Variants in ERAP1 observed in about 807,000 individuals in gnomAD.
The protein encoded by ERAP1 is adipocyte-derived leucine aminopeptidase.
Under a neutral mutation model 103.7 loss-of-function variants are expected in ERAP1, and 86 were observed. The observed-to-expected ratio is 0.83, with a 90% CI of 0.70 to 0.99. The LOEUF (loss-of-function observed/expected upper bound fraction) is 0.99, where lower values mean the gene tolerates loss of function less well. ERAP1 is among the 50% of genes least tolerant of loss of function. ERAP1 has a pLI of 0.00. For missense variants in ERAP1, 1,009 were observed against 1,128.4 expected (o/e 0.89, Z 1.52); for synonymous variants, 398 against 402.4 (o/e 0.99, Z 0.13).
chr5:96,781,696 T>C lies in ERAP1; in HGVS notation c.2444A>G (p.Gln815Arg). 1 of 1,614,168 alleles carries C rather than the reference T, an allele frequency of 6.2e-7. No homozygotes were observed. The highest frequency in any genetic ancestry group is 8.5e-7 in the Non-Finnish European group (1 of 1,180,022). ...LCRTQNKEKL[Q>R]WLLDESFKGD... is the part of the protein sequence containing the mutation. The stretch of plus-strand genomic sequence containing the variant: ...CATGAATGAATGACGGACTCACCAT[T>C]GAAGCTTTTCCTTATTTTGGGTTCT... The change falls in exon 16 of 19, where the codon CAA (glutamine) becomes CGA (arginine). Residue 815 changes from glutamine to arginine, a missense_variant. Coordinates refer to ENST00000443439, the MANE Select transcript of ERAP1 (RefSeq NM_001040458.3).
chr5:96,896,410 C>CA, the ERAP1 span: 1 of 1,612,108 alleles, frequency 6.2e-7, no homozygotes, highest in East Asian at 2.2e-5. Context: ...GAAGTAATTA[C>CA]AAAAGATTCA....
intron 19 of ERAP1, among the ~76,000 whole-genome samples, chr5:96,768,592 A>C (rs1770927111): frequency 6.6e-6 from 1 of 152,210 alleles, no homozygotes. Context: ...GCTACTTTGT[A>C]ATTTCCATAG....
At chr5:96,808,055 G>C (rs1778866576), upstream of ERAP1, 3 of 985,416 alleles carry the variant, frequency 3.0e-6, no homozygotes, top group South Asian at 1.4e-4. Flanking sequence ...GTAAACGGGA[G>C]TGGGGCCGAG....
At chr5:96,805,709 A>G (rs1298436620) in intron 1 of ERAP1, 2 of 152,312 alleles carry the variant, frequency 1.3e-5, no homozygotes, top group Non-Finnish European at 2.9e-5. Context: ...TTGGGGAACT[A>G]GAGAGTAAAT....
downstream of ERAP1, chr5:96,770,396 A>C: frequency 1.6e-6 from 1 of 606,948 alleles, no homozygotes; most frequent in Non-Finnish European, 3.0e-6. Context: ...AAAATCATGA[A>C]AAAACACCCA....
At chr5:96,801,369 G>T (rs748808129) in intron 2 of ERAP1, among the ~76,000 whole-genome samples, 1 of 151,562 alleles carries the variant, frequency 6.6e-6, no homozygotes, top group Non-Finnish European at 1.5e-5. Flanking sequence ...GAGGTGAGAC[G>T]ATGGTTTGAG....
intron 14 of ERAP1, among the ~76,000 whole-genome samples, chr5:96,783,504 A>G (rs1227342663): frequency 6.6e-6 from 1 of 151,366 alleles, no homozygotes; most frequent in Non-Finnish European, 1.5e-5. Flanking sequence ...AAACTCAAAG[A>G]GAGTTTACAT....
the ERAP1 span, among the ~76,000 whole-genome samples, chr5:96,887,098 T>C: frequency 2.0e-5 from 2 of 99,718 alleles, no homozygotes; most frequent in African/African-American, 6.8e-5. Flanking sequence ...TATATATATA[T>C]ATACACACAC....
chr5:96,870,307 A>G, the ERAP1 span, among the ~76,000 whole-genome samples: 1 of 152,214 alleles, frequency 6.6e-6, no homozygotes, highest in Non-Finnish European at 1.5e-5. Flanking sequence ...CAAGACAAAC[A>G]CAAGCCAACT....
chr5:96,795,823 C>T (rs769811797), intron 4 of ERAP1, among the ~76,000 whole-genome samples: 37 of 152,138 alleles, frequency 2.4e-4, no homozygotes, highest in Non-Finnish European at 4.7e-4. Flanking sequence ...ATAATACAAA[C>T]AAGGAAACAA....
the ERAP1 span, chr5:96,889,254 C>T: frequency 6.2e-7 from 1 of 1,613,968 alleles, no homozygotes; most frequent in South Asian, 1.1e-5. Flanking sequence ...ACTGAAGCTA[C>T]TTGATTTTTA....
chr5:96,909,657 G>A, the ERAP1 span: 2 of 1,614,192 alleles, frequency 1.2e-6, no homozygotes, highest in Non-Finnish European at 1.7e-6. Context: ...GGGACAGGAT[G>A]CTCCGCTCGG....
rs867452221 is a variant in ERAP1, at chr5:96,788,583, G to A, written c.1627C>T (p.His543Tyr). The A allele has an allele frequency of 3.1e-6, 5 of 1,614,042 alleles. No homozygotes were observed. The highest frequency in any genetic ancestry group is 1.3e-5 in the African/African-American group (1 of 74,916). Residue 543 changes from histidine (H) to tyrosine (Y), a missense_variant, in exon 11 of 19, where the codon CAC becomes TAC. Physicochemically the swap from His to Tyr is moderately conservative, Grantham distance 83. Coordinates refer to ENST00000443439, the MANE Select transcript of ERAP1 (RefSeq NM_001040458.3). ...TTCATGTAGTGCTCTTGCTTCATGT[G>A]TACATTCCTCCCCCTCACTGTGATG... Reference protein sequence around the residue: ...ITITVRGRNVHMKQEHYMKGS... With the variant: ...ITITVRGRNVYMKQEHYMKGS...
At chr5:96,808,213 T>C (rs1430069405), upstream of ERAP1, 1 of 253,286 alleles carries the variant, frequency 3.9e-6, no homozygotes, top group African/African-American at 2.7e-5. Flanking sequence ...TGTGTGTGTG[T>C]GTGTGTGTGT....
At chr5:96,770,119 T>A (rs902804361), downstream of ERAP1, 2 of 167,336 alleles carry the variant, frequency 1.2e-5, no homozygotes, top group African/African-American at 4.8e-5. Context: ...AGTTCTACTT[T>A]TAATTTCTTT....
At chr5:96,883,121 A>G in the ERAP1 span, among the ~76,000 whole-genome samples, 1 of 152,204 alleles carries the variant, frequency 6.6e-6, no homozygotes, top group Non-Finnish European at 1.5e-5. Flanking sequence ...CCATTAGCCA[A>G]CAATGGTACA....
chr5:96,895,108 TAC>T, the ERAP1 span: 5 of 572,992 alleles, frequency 8.7e-6, no homozygotes, highest in Non-Finnish European at 1.2e-5. Flanking sequence ...AAGAAAATTG[TAC>T]AGAGAGAAAA....
Position 96,775,275 on chromosome 5 carries a change from A to C in ERAP1, c.*1121T>G, listed in dbSNP as rs1773991098. The C allele has an allele frequency of 1.5e-6, 1 of 682,952 alleles. No individual in the cohort carries two copies. The highest frequency in any genetic ancestry group is 1.8e-6 in the Non-Finnish European group (1 of 566,556). 42.3% of individuals were successfully genotyped at this position (682,952 alleles called of 1,614,324 possible). A position where few individuals can be genotyped will look rare whatever the true frequency, so the allele number is the denominator to read the frequency against. On this transcript the variant is annotated 3_prime_UTR_variant, in exon 19 of 19. Coordinates refer to ENST00000443439, the MANE Select transcript of ERAP1 (RefSeq NM_001040458.3). ...TGTGAAGTCTTCACAAAAGAAAGAA[A>C]GACTTCAAAGCCAAAGAATGTCCTA...
chr5:96,892,724 G>A, the ERAP1 span, among the ~76,000 whole-genome samples: 83,467 of 151,932 alleles, frequency 0.55, 22,949 homozygotes, highest in Admixed American at 0.6. Flanking sequence ...GAAAAGAAGG[G>A]AAGTGACTAT....
Sources: gnomAD v4.1 joint callset for allele counts (sites outside exome capture counted in the v4.1 genomes callset) on GRCh38, gnomAD v4.1.1 for gene constraint, MANE v1.5 for transcripts, NCBI Gene and HGNC (gene_info 2026-07-23, HGNC 2026-07-21) for gene names.